Variants in AKR1C4 observed in about 807,000 individuals in gnomAD.
AKR1C4 encodes 3-alpha-HSD1.
A neutral mutation model predicts 41.0 loss-of-function variants in AKR1C4; 44 were observed. The observed-to-expected ratio is 1.07, with a 90% CI of 0.84 to 1.38. AKR1C4 has a LOEUF of 1.38. Among genes scored for constraint, AKR1C4 ranks in the 40% most tolerant of loss-of-function variants. The pLI, the probability that AKR1C4 is intolerant of heterozygous loss-of-function variation, is 0.00. For synonymous variants in AKR1C4, 165 were observed against 137.7 expected, an observed-to-expected ratio of 1.20 and a Z score of -1.39; for missense variants, 438 against 387.9, an observed-to-expected ratio of 1.13 and a Z score of -1.09.
chr10:5,207,364 A>T lies in AKR1C4; in HGVS notation c.570+967A>T, dbSNP rs181170127. On this transcript the variant is annotated intron_variant, in intron 5 of 8. Coordinates refer to ENST00000263126, the MANE Select transcript of AKR1C4 (RefSeq NM_001818.5). ...ATTAAGGTAATTTTGGAAAATTCTA[A>T]AAGTCACTTTTCACTCCTGAGATGT... 523 of 298,918 alleles carry T rather than the reference A, an allele frequency of 1.7e-3. 4 individuals are homozygous for T. The highest frequency in any genetic ancestry group is 4.6e-3 in the Admixed American group (100 of 21,628). The allele number at this position is 298,918 out of a possible 1,614,324, so 18.5% of individuals were successfully genotyped here.
At chr10:5,215,149 G>T (rs1034573789) in intron 7 of AKR1C4, among the ~76,000 whole-genome samples, 1 of 152,128 alleles carries the variant, frequency 6.6e-6, no homozygotes, top group Non-Finnish European at 1.5e-5. Flanking sequence ...GTACATGACT[G>T]GTTCATGTAC....
In AKR1C4 at chr10:5,203,230, C is replaced by CA. The variant is rs782616086; in HGVS notation, c.253-1145dup. On this transcript the variant is annotated intron_variant, in intron 2 of 8. Coordinates refer to ENST00000263126, the MANE Select transcript of AKR1C4 (RefSeq NM_001818.5). ...TCCTGCTTTCCCCCGGGGTTCTGGC[C>CA]AAGGGGGCTCATTCCCACTTGAGAT... 6.2e-4 allele frequency among the ~76,000 whole-genome samples: 94 copies of CA among 151,990 alleles called. 1 individual carries two copies. The highest frequency in any genetic ancestry group is 1.0e-3 in the Non-Finnish European group (69 of 67,996).
chr10:5,200,334 T>G lies in AKR1C4; in HGVS notation c.238T>G (p.Phe80Val), dbSNP rs782183723. ...ADGSVKREDI[F>V]YTSKLWCTFF... ...TGGCAGTGTGAAGAGAGAAGACATATTCTACACTTCAAAGGTACTGTGCCT... is the reference window on the plus strand; with the variant it reads ...TGGCAGTGTGAAGAGAGAAGACATAGTCTACACTTCAAAGGTACTGTGCCT... Residue 80 changes from phenylalanine to valine, a missense_variant, in exon 2 of 9, where the codon TTC becomes GTC. Phe to Val is a conservative substitution (Grantham distance 50). Coordinates refer to ENST00000263126, the MANE Select transcript of AKR1C4 (RefSeq NM_001818.5). The G allele has an allele frequency of 6.2e-7, 1 of 1,613,580 alleles. No individual in the cohort carries two copies. The highest frequency in any genetic ancestry group is 1.1e-5 in the South Asian group (1 of 90,968).
At chr10:5,208,075 G>C (rs201417672) in intron 5 of AKR1C4, among the ~76,000 whole-genome samples, 1 of 11,166 alleles carries the variant, frequency 9.0e-5, no homozygotes, top group Non-Finnish European at 1.4e-3. Context: ...TGAAAAAAAG[G>C]AAAGTTAACT....
chr10:5,214,688 T>C (rs1445573217), intron 7 of AKR1C4, among the ~76,000 whole-genome samples: 5 of 151,148 alleles, frequency 3.3e-5, no homozygotes, highest in Admixed American at 2.7e-4. Flanking sequence ...ATAACTTTTT[T>C]TGAGAATTTT....
At chr10:5,207,392 G>T in intron 5 of AKR1C4, 1 of 322,578 alleles carries the variant, frequency 3.1e-6, no homozygotes, top group Non-Finnish European at 6.3e-6. Context: ...TGAGATGTAG[G>T]TGGTCAGAAG....
intron 2 of AKR1C4, chr10:5,202,442 C>T: frequency 2.2e-6 from 1 of 455,580 alleles, no homozygotes; most frequent in Middle Eastern, 3.3e-4. Flanking sequence ...GATCATATTA[C>T]TGGCAAACAG....
chr10:5,205,742 C>T lies in AKR1C4; in HGVS notation c.370-15C>T, dbSNP rs1832473889. The T allele has an allele frequency of 1.9e-6, 3 of 1,610,786 alleles. No homozygotes were observed. The highest frequency in any genetic ancestry group is 2.5e-6 in the Non-Finnish European group (3 of 1,177,940). ...AAGTTAAATGGTGACACTAAAGTGACTGCTTCTACTTCAGCCAGGTGAGAC... is the reference window on the plus strand; with the variant it reads ...AAGTTAAATGGTGACACTAAAGTGATTGCTTCTACTTCAGCCAGGTGAGAC... On this transcript the variant is annotated splice_polypyrimidine_tract_variant and intron_variant, in intron 3 of 8. Transcript: ENST00000263126.
At chr10:5,211,551 C>T (rs1832575956) in intron 5 of AKR1C4, among the ~76,000 whole-genome samples, 1 of 152,158 alleles carries the variant, frequency 6.6e-6, no homozygotes, top group Non-Finnish European at 1.5e-5. Flanking sequence ...CATCTGAGAC[C>T]ACCTCAGCCT....
At chr10:5,203,209 G>T (rs1832428900) in intron 2 of AKR1C4, among the ~76,000 whole-genome samples, 1 of 152,028 alleles carries the variant, frequency 6.6e-6, no homozygotes, top group South Asian at 2.1e-4. Flanking sequence ...CACACTTCCT[G>T]CTTTCCCCCG....
In AKR1C4 at chr10:5,215,445, C is replaced by T. The variant is rs532499089; in HGVS notation, c.847-1266C>T. Among the ~76,000 whole-genome samples, 433 of 152,270 alleles carry T rather than the reference C, an allele frequency of 2.8e-3. 2 individuals carry two copies. The highest frequency in any genetic ancestry group is 0.013 in the South Asian group (62 of 4,826). ...AGAGCTATATTTGGCTCACAATTTG[C>T]AGGCTGTACAAAAAGCATAGCACCA... On this transcript the variant is annotated intron_variant, in intron 7 of 8. Coordinates refer to ENST00000263126, the MANE Select transcript of AKR1C4 (RefSeq NM_001818.5).
rs371249509 is a variant in AKR1C4, at chr10:5,196,882, T to C, written c.15T>C (p.Tyr5=). 5 of 1,614,016 alleles carry C rather than the reference T, an allele frequency of 3.1e-6. No homozygotes were observed. In the African/African-American group the frequency reaches 4.0e-5, roughly 13 times the overall value. The change falls in exon 1 of 9, where the codon TAT becomes TAC. Residue 5 remains tyrosine (Y), a synonymous_variant. Transcript: ENST00000263126. MDPK[Y]QRVELNDGHF... is the part of the protein sequence containing the mutation. ...AGTGGCAAGCAATGGATCCCAAATA[T>C]CAGCGTGTAGAGCTAAATGATGGTC...
At chr10:5,206,024 A>T (rs552768684) in intron 4 of AKR1C4, among the ~76,000 whole-genome samples, 190 bp downstream of exon 4, 1 of 152,304 alleles carries the variant, frequency 6.6e-6, no homozygotes, top group Non-Finnish European at 1.5e-5. Context: ...GAAGGAGATA[A>T]ACTGGGGACA....
At chr10:5,202,406 G>A in intron 2 of AKR1C4, 1 of 432,122 alleles carries the variant, frequency 2.3e-6, no homozygotes, top group South Asian at 1.7e-5. Context: ...CTTTTTGGAT[G>A]AGGCTTTGGG....
At chr10:5,199,647 G>A (rs1259762959) in intron 1 of AKR1C4, among the ~76,000 whole-genome samples, 4 of 152,114 alleles carry the variant, frequency 2.6e-5, no homozygotes, top group Non-Finnish European at 5.9e-5. Flanking sequence ...GCAGAATGAC[G>A]CTGAGTTTGG....
intron 5 of AKR1C4, among the ~76,000 whole-genome samples, chr10:5,208,406 A>G (rs1832521349): frequency 6.6e-6 from 1 of 151,630 alleles, no homozygotes; most frequent in Non-Finnish European, 1.5e-5. Flanking sequence ...AATTATTATT[A>G]TGACAACTTT....
chr10:5,213,178 A>C lies in AKR1C4; in HGVS notation c.846+19A>C. 6.2e-7 allele frequency: 1 copy of C among 1,612,262 alleles called. No individual in the cohort carries two copies. Among genetic ancestry groups the C allele is most frequent in the Non-Finnish European group, 8.5e-7 (1 of 1,179,764 alleles). On this transcript the variant is annotated intron_variant, in intron 7 of 8. Transcript: ENST00000263126. Reference sequence around the variant, plus strand: ...CATCCAGGTGAGGAGTTGGGTGGGCATCAGGGCTCCTGCACAGTGTCCTTC... The same window carrying C: ...CATCCAGGTGAGGAGTTGGGTGGGCCTCAGGGCTCCTGCACAGTGTCCTTC...
intron 8 of AKR1C4, 25 bp from the exon 9 acceptor site, chr10:5,218,687 CATATTT>C (rs782445428): frequency 4.6e-6 from 7 of 1,535,174 alleles, no homozygotes; most frequent in Non-Finnish European, 6.3e-6. Context: ...TCATTTCATC[CATATTT>C]ATGTACTATC....
Position 5,196,951 on chromosome 10 carries a change from G to A in AKR1C4, c.84G>A (p.Glu28=), listed in dbSNP as rs1413812973. ...GATTTGGCACCTATGCACCTCCAGAGGTAATAATCACATTTTCAGCATTGA... is the reference window on the plus strand; with the variant it reads ...GATTTGGCACCTATGCACCTCCAGAAGTAATAATCACATTTTCAGCATTGA... ...VLGFGTYAPP[E]VPRNRAVEVT... Residue 28 remains glutamate, a splice_region_variant and synonymous_variant, in exon 1 of 9, where the codon GAG becomes GAA. Transcript: ENST00000263126. The A allele has an allele frequency of 3.4e-5, 55 of 1,613,524 alleles. No individual in the cohort carries two copies. The highest frequency in any genetic ancestry group is 4.5e-5 in the Non-Finnish European group (53 of 1,179,594).
Sources: gnomAD v4.1 joint callset for allele counts (sites outside exome capture counted in the v4.1 genomes callset) on GRCh38, gnomAD v4.1.1 for gene constraint, MANE v1.5 for transcripts, NCBI Gene and HGNC (gene_info 2026-07-23, HGNC 2026-07-21) for gene names.